CHODL: variants seen among roughly 807,000 people sequenced by gnomAD.
The protein encoded by CHODL is transmembrane protein MT75.
A neutral mutation model predicts 34.5 loss-of-function variants in CHODL; 29 were observed. The observed-to-expected ratio is 0.84, with a 90% CI of 0.63 to 1.15. The LOEUF is 1.15. Ranked by LOEUF, CHODL falls within the 50% of genes most tolerant of loss-of-function variation. The probability of loss-of-function intolerance (pLI) is 0.00; values close to 1 mark genes in which losing one functional copy is unlikely to be tolerated. For missense variants in CHODL, 332 were observed against 332.5 expected (o/e 1.00, Z 0.01); for synonymous variants, 125 against 116.1 (o/e 1.08, Z -0.49).
upstream of CHODL, among the ~76,000 whole-genome samples, chr21:18,243,403 G>A (rs754443523): frequency 1.1e-4 from 17 of 152,132 alleles, no homozygotes; most frequent in Non-Finnish European, 2.4e-4. Context: ...TAATTAGCTA[G>A]TGTGAAAGTC....
intron 2 of CHODL, among the ~76,000 whole-genome samples, chr21:18,080,299 T>C (rs1416180857): frequency 1.3e-5 from 2 of 152,106 alleles, no homozygotes; most frequent in East Asian, 1.9e-4. Context: ...GTTTGTTCTG[T>C]TGATTGTTTT....
At chr21:18,050,697 G>A (rs550907300) in intron 2 of CHODL, among the ~76,000 whole-genome samples, 3 of 151,998 alleles carry the variant, frequency 2.0e-5, no homozygotes, top group East Asian at 2.0e-4. Flanking sequence ...ACACACTTAC[G>A]TAAGGATCAT....
intron 1 of CHODL, among the ~76,000 whole-genome samples, chr21:17,975,025 C>T (rs769796485): frequency 7.3e-5 from 11 of 151,462 alleles, no homozygotes; most frequent in Admixed American, 1.3e-4. Context: ...TTTGAAGTTG[C>T]GTTTAAAAAG....
chr21:17,972,652 C>G (rs1399763770), intron 1 of CHODL, among the ~76,000 whole-genome samples: 1 of 152,164 alleles, frequency 6.6e-6, no homozygotes, highest in African/African-American at 2.4e-5. Context: ...AGGTCACAAA[C>G]AAATGGAAAA....
intron 2 of CHODL, among the ~76,000 whole-genome samples, chr21:18,236,353 A>T (rs1006598931): frequency 6.6e-6 from 1 of 152,088 alleles, no homozygotes; most frequent in Admixed American, 6.6e-5. Context: ...GGATTATGGG[A>T]ACTACAATTC....
At chr21:18,157,893 T>G (rs1247304710) in intron 2 of CHODL, among the ~76,000 whole-genome samples, 1 of 152,108 alleles carries the variant, frequency 6.6e-6, no homozygotes, top group African/African-American at 2.4e-5. Context: ...GGTTTACCAT[T>G]TTTAAAGACG....
chr21:18,137,050 A>G (rs1017436232), intron 2 of CHODL, among the ~76,000 whole-genome samples: 8 of 152,080 alleles, frequency 5.3e-5, no homozygotes, highest in Non-Finnish European at 5.9e-5. Context: ...GTGAATGACA[A>G]CAGATATTTT....
intron 2 of CHODL, among the ~76,000 whole-genome samples, chr21:18,048,112 A>T (rs1056134540): frequency 2.0e-5 from 3 of 151,950 alleles, no homozygotes; most frequent in Non-Finnish European, 4.4e-5. Context: ...TAATGAAGGA[A>T]GGAGTTAACA....
chr21:18,126,582 G>T (rs932502277), intron 2 of CHODL, among the ~76,000 whole-genome samples: 5 of 151,406 alleles, frequency 3.3e-5, no homozygotes, highest in Middle Eastern at 3.2e-3. Flanking sequence ...CCATGAACAC[G>T]GGATATCTTT....
intron 2 of CHODL, among the ~76,000 whole-genome samples, chr21:18,161,990 C>T (rs1003746177): frequency 2.0e-5 from 3 of 152,148 alleles, no homozygotes; most frequent in Admixed American, 1.3e-4. Context: ...CATGTTATTA[C>T]CACCCACAAG....
intron 1 of CHODL, among the ~76,000 whole-genome samples, chr21:17,923,036 A>T (rs1267217956): frequency 6.6e-6 from 1 of 152,134 alleles, no homozygotes; most frequent in Non-Finnish European, 1.5e-5. Context: ...GGTAGATAAG[A>T]AACAAATGGT....
chr21:18,038,706 T>C (rs1387779099), intron 2 of CHODL, among the ~76,000 whole-genome samples: 1 of 151,614 alleles, frequency 6.6e-6, no homozygotes, highest in Non-Finnish European at 1.5e-5. Context: ...AAACACATAC[T>C]TCAGAGTAGA....
intron 2 of CHODL, among the ~76,000 whole-genome samples, chr21:18,080,421 A>G (rs1267076724): frequency 6.6e-6 from 1 of 152,178 alleles, no homozygotes; most frequent in African/African-American, 2.4e-5. Context: ...AATGTCCAGA[A>G]GAGTTCTTCC....
At chr21:18,173,214 C>T (rs1281280922) in intron 2 of CHODL, among the ~76,000 whole-genome samples, 1 of 152,186 alleles carries the variant, frequency 6.6e-6, no homozygotes, top group Non-Finnish European at 1.5e-5. Flanking sequence ...ATTACACCTT[C>T]TGAATCTCTT....
intron 1 of CHODL, among the ~76,000 whole-genome samples, chr21:17,969,030 T>G (rs918024141): frequency 2.6e-5 from 4 of 152,232 alleles, no homozygotes; most frequent in African/African-American, 9.6e-5. Flanking sequence ...AAGTTCCTTT[T>G]AAGAATATCA....
intron 2 of CHODL, among the ~76,000 whole-genome samples, chr21:18,070,018 CCTTCCCT>C (rs2064780048): frequency 5.3e-5 from 4 of 76,140 alleles, no homozygotes; most frequent in Admixed American, 1.3e-4. Flanking sequence ...CCTTCCCTTC[CCTTCCCT>C]CCCCCCCCCC....
At chr21:18,019,504 T>G (rs2064107670) in intron 1 of CHODL, among the ~76,000 whole-genome samples, 1 of 152,140 alleles carries the variant, frequency 6.6e-6, no homozygotes, top group Admixed American at 6.5e-5. Flanking sequence ...AAAGGATAAA[T>G]GCTTAAGATG....
intron 2 of CHODL, among the ~76,000 whole-genome samples, chr21:18,154,958 AG>A (rs2073016751): frequency 6.6e-6 from 1 of 152,300 alleles, no homozygotes; most frequent in South Asian, 2.1e-4. Context: ...AATAGTGGAC[AG>A]GCACAAGGTC....
chr21:18,238,356 G>A (rs1045895457), intron 2 of CHODL, among the ~76,000 whole-genome samples: 8 of 152,056 alleles, frequency 5.3e-5, no homozygotes, highest in Non-Finnish European at 1.0e-4. Flanking sequence ...GAGGCAAAAG[G>A]CACTTCTTAC....
Sources: allele counts gnomAD v4.1 joint callset (sites outside exome capture counted in the v4.1 genomes callset), GRCh38; gene constraint gnomAD v4.1.1; transcripts MANE v1.5; gene names NCBI Gene and HGNC (gene_info 2026-07-23, HGNC 2026-07-21).